The following HIKESHI variants were observed in gnomAD, a reference collection of about 807,000 sequenced individuals.
HIKESHI encodes heat shock protein nuclear import factor hikeshi.
A neutral mutation model predicts 25.7 loss-of-function variants in HIKESHI; 13 were observed. The observed-to-expected ratio is 0.51, with a 90% CI of 0.33 to 0.80. The LOEUF (loss-of-function observed/expected upper bound fraction) is 0.80, where lower values mean the gene tolerates loss of function less well. Ranked by LOEUF, HIKESHI falls within the 30% of genes least tolerant of loss-of-function variation. The pLI, the probability that HIKESHI is intolerant of heterozygous loss-of-function variation, is 0.02. For synonymous variants in HIKESHI, 76 were observed against 78.7 expected (o/e 0.97, Z 0.18); for missense variants, 174 against 229.5 (o/e 0.76, Z 1.56).
Position 86,306,511 on chromosome 11 carries a change from T to A in HIKESHI, c.268+29T>A, listed in dbSNP as rs1339068072. 4 of 1,367,916 alleles carry A rather than the reference T, an allele frequency of 2.9e-6. 1 individual carries two copies. The African/African-American group carries it at 5.9e-5, about 20-fold the overall frequency. The allele number at this position is 1,367,916 out of a possible 1,614,324, so 84.7% of individuals were successfully genotyped here. A position where few individuals can be genotyped will look rare whatever the true frequency, so the allele number is the denominator to read the frequency against. On this transcript the variant is annotated intron_variant, in intron 2 of 4. Coordinates refer to ENST00000278483, the MANE Select transcript of HIKESHI (RefSeq NM_016401.4). ...AGAATAATATATTAAAGTAGTTTTA[T>A]AATTAATCAAACTTTTTTCTTAAAT...
chr11:86,336,779 C>T lies in HIKESHI; in HGVS notation c.269-600C>T, dbSNP rs560161500. Among the ~76,000 whole-genome samples, 237 of 152,180 alleles carry T rather than the reference C, an allele frequency of 1.6e-3. 10 individuals carry two copies. Among genetic ancestry groups the T allele is most frequent in the Non-Finnish European group, 7.1e-4 (48 of 68,008 alleles). ...GTAGGATAAACTACACCAAGACACA[C>T]GATAATCAAACTGTCAAAAGGTAAA... On this transcript the variant is annotated intron_variant, in intron 2 of 4. Transcript: ENST00000278483.
In HIKESHI at chr11:86,318,303, C is replaced by CAAAAAAAAAAAAAAAA. The variant is rs71040230; in HGVS notation, c.268+11826_268+11841dup. 1.7e-3 allele frequency among the ~76,000 whole-genome samples: 59 copies of CAAAAAAAAAAAAAAAA among 35,670 alleles called. 4 individuals are homozygous for CAAAAAAAAAAAAAAAA. The highest frequency in any genetic ancestry group is 4.2e-3 in the African/African-American group (40 of 9,518). 23.4% of individuals were successfully genotyped at this position (35,670 alleles called of 152,430 possible). A position where few individuals can be genotyped will look rare whatever the true frequency, so the allele number is the denominator to read the frequency against. On this transcript the variant is annotated intron_variant, in intron 2 of 4. Coordinates refer to ENST00000278483, the MANE Select transcript of HIKESHI (RefSeq NM_016401.4). ...TGGGCGACAGAGCAAGACTCCGTCT[C>CAAAAAAAAAAAAAAAA]AAAAAAAAAAAAAAAAAAAATCCTG...
chr11:86,339,573 AC>A (rs920819447), intron 3 of HIKESHI, among the ~76,000 whole-genome samples: 2 of 152,170 alleles, frequency 1.3e-5, no homozygotes, highest in Non-Finnish European at 1.5e-5. Flanking sequence ...CCTGCCTTTT[AC>A]CTTCTAACTT....
chr11:86,329,926 A>G (rs1947378991), intron 2 of HIKESHI, among the ~76,000 whole-genome samples: 1 of 152,138 alleles, frequency 6.6e-6, no homozygotes, highest in African/African-American at 2.4e-5. Flanking sequence ...AATAGCATGT[A>G]GTTTGGTGCT....
chr11:86,309,931 T>A (rs1240552124), intron 2 of HIKESHI, among the ~76,000 whole-genome samples: 2 of 151,930 alleles, frequency 1.3e-5, no homozygotes, highest in African/African-American at 4.8e-5. Flanking sequence ...TTGGTCTATA[T>A]CTCTGTTTTG....
At chr11:86,304,783 T>C (rs754943107) in intron 1 of HIKESHI, among the ~76,000 whole-genome samples, 1 of 152,248 alleles carries the variant, frequency 6.6e-6, no homozygotes, top group Non-Finnish European at 1.5e-5. Flanking sequence ...CCCAAAGTGC[T>C]GGGATTACAG....
At chr11:86,329,478 A>T (rs957352198) in intron 2 of HIKESHI, among the ~76,000 whole-genome samples, 2 of 152,110 alleles carry the variant, frequency 1.3e-5, no homozygotes, top group African/African-American at 4.8e-5. Context: ...TAAAGTCCCT[A>T]ATTAGCTCTA....
At chr11:86,321,157 A>G (rs1947137512) in intron 2 of HIKESHI, among the ~76,000 whole-genome samples, 1 of 151,010 alleles carries the variant, frequency 6.6e-6, no homozygotes, top group Non-Finnish European at 1.5e-5. Context: ...CTGGTCTTGA[A>G]CTCCTAACTT....
intron 2 of HIKESHI, among the ~76,000 whole-genome samples, chr11:86,332,675 G>A (rs1482149017): frequency 6.6e-6 from 1 of 152,186 alleles, no homozygotes; most frequent in Non-Finnish European, 1.5e-5. Flanking sequence ...GAAAAATGTT[G>A]GAATTAGCTA....
chr11:86,307,892 C>T lies in HIKESHI; in HGVS notation c.268+1410C>T, dbSNP rs935299830. Reference sequence around the variant, plus strand: ...TAAAATATATATTATGTGTAATATACAATATATAAAATATATATTATGTGT... The same window carrying T: ...TAAAATATATATTATGTGTAATATATAATATATAAAATATATATTATGTGT... On this transcript the variant is annotated intron_variant, in intron 2 of 4. Transcript: ENST00000278483. Among the ~76,000 whole-genome samples the T allele has an allele frequency of 9.8e-3, 147 of 15,040 alleles. 8 individuals carry two copies. The highest frequency in any genetic ancestry group is 0.071 in the South Asian group (24 of 336). 9.9% of individuals were successfully genotyped at this position (15,040 alleles called of 152,430 possible). A position where few individuals can be genotyped will look rare whatever the true frequency, so the allele number is the denominator to read the frequency against.
intron 2 of HIKESHI, among the ~76,000 whole-genome samples, chr11:86,315,738 G>A (rs1272071266): frequency 1.3e-5 from 2 of 152,128 alleles, no homozygotes; most frequent in Non-Finnish European, 2.9e-5. Flanking sequence ...ATAAGAGGAA[G>A]TTGAACCCAG....
intron 2 of HIKESHI, among the ~76,000 whole-genome samples, chr11:86,308,719 C>A (rs1265231940): frequency 2.0e-5 from 3 of 151,970 alleles, no homozygotes; most frequent in Admixed American, 6.6e-5. Context: ...TCCCTCCCCA[C>A]TCCCCACACC....
intron 3 of HIKESHI, among the ~76,000 whole-genome samples, chr11:86,339,982 T>G (rs577048904): frequency 6.8e-6 from 1 of 146,642 alleles, no homozygotes; most frequent in African/African-American, 2.5e-5. Context: ...TTCCCACCTA[T>G]GAGTGAGGAC....
intron 1 of HIKESHI, 69 bp from the exon 2 acceptor site, chr11:86,306,176 A>C: frequency 1.0e-6 from 1 of 997,114 alleles, no homozygotes; most frequent in Non-Finnish European, 1.5e-6. Flanking sequence ...TATAACTTAT[A>C]AATGATACTG....
intron 3 of HIKESHI, chr11:86,343,975 T>G (rs993597608): frequency 1.2e-4 from 18 of 152,202 alleles, no homozygotes; most frequent in Admixed American, 1.1e-3. Flanking sequence ...AGTATGTTAG[T>G]GAATTTGATC....
intron 2 of HIKESHI, among the ~76,000 whole-genome samples, chr11:86,324,857 A>C (rs1947233970): frequency 1.3e-5 from 2 of 152,108 alleles, no homozygotes; most frequent in Non-Finnish European, 2.9e-5. Context: ...GAGGGTAGAG[A>C]GTTATTCAAG....
chr11:86,337,509 C>G lies in HIKESHI; in HGVS notation c.399C>G (p.Ser133=), dbSNP rs1384409642. 2 of 1,612,304 alleles carry G rather than the reference C, an allele frequency of 1.2e-6. No individual in the cohort carries two copies. Among genetic ancestry groups the G allele is most frequent in the East Asian group, 2.2e-5 (1 of 44,778 alleles). ...CTCCTGTAGGTAATGCTGCTGTATC[C>G]TCAGTTGACTCATTCACTCAGGTAA... ...QQTPVGNAAV[S]SVDSFTQFTQ... is the part of the protein sequence containing the mutation. Residue 133 remains serine, a synonymous_variant, in exon 3 of 5, where the codon TCC becomes TCG. Transcript: ENST00000278483.
intron 2 of HIKESHI, among the ~76,000 whole-genome samples, chr11:86,313,511 C>T (rs1033458618): frequency 7.9e-5 from 12 of 152,168 alleles, no homozygotes; most frequent in African/African-American, 2.9e-4. Context: ...GGATTACAGG[C>T]ATGAAAATTC....
At chr11:86,341,894 C>A (rs1291457021) in intron 3 of HIKESHI, among the ~76,000 whole-genome samples, 1 of 152,144 alleles carries the variant, frequency 6.6e-6, no homozygotes, top group Non-Finnish European at 1.5e-5. Context: ...GTATAACTTG[C>A]TGTTGTTCAC....
Sources: gnomAD v4.1 joint callset for allele counts (sites outside exome capture counted in the v4.1 genomes callset) on GRCh38, gnomAD v4.1.1 for gene constraint, MANE v1.5 for transcripts, NCBI Gene and HGNC (gene_info 2026-07-23, HGNC 2026-07-21) for gene names.